The following CCDC3 variants were observed in gnomAD, a reference collection of about 807,000 sequenced individuals.
CCDC3 encodes coiled-coil domain-containing protein 3.
Under a neutral mutation model 21.4 loss-of-function variants are expected in CCDC3, and 24 were observed. The ratio of observed to expected loss-of-function variants is 1.12; its 90% CI spans 0.81 to 1.58. The LOEUF is 1.58. CCDC3 is among the 40% of genes most tolerant of loss of function. CCDC3 has a pLI of 0.00. For missense variants in CCDC3, 425 were observed against 360.9 expected, an observed-to-expected ratio of 1.18 and a Z score of -1.44; for synonymous variants, 186 against 166.0, an observed-to-expected ratio of 1.12 and a Z score of -0.93.
chr10:12,960,102 C>T (rs528416395), intron 2 of CCDC3, among the ~76,000 whole-genome samples: 48 of 151,820 alleles, frequency 3.2e-4, no homozygotes, highest in African/African-American at 9.2e-4. Context: ...TGCAGTGAGC[C>T]GAGATCGTGC....
intron 2 of CCDC3, among the ~76,000 whole-genome samples, chr10:12,927,412 C>T (rs1342610948): frequency 6.6e-6 from 1 of 152,216 alleles, no homozygotes; most frequent in Non-Finnish European, 1.5e-5. Context: ...ATACTCAGTA[C>T]AACTGCCTCA....
At chr10:12,939,382 G>A (rs1415454844) in intron 2 of CCDC3, among the ~76,000 whole-genome samples, 1 of 152,204 alleles carries the variant, frequency 6.6e-6, no homozygotes, top group Non-Finnish European at 1.5e-5. Context: ...TGTAGTCCCG[G>A]CACTTTGGGA....
chr10:13,015,112 T>C (rs1345061769), intron 5 of CCDC3, among the ~76,000 whole-genome samples: 1 of 152,136 alleles, frequency 6.6e-6, no homozygotes, highest in African/African-American at 2.4e-5. Flanking sequence ...GAATGAGCTG[T>C]AGGCCCATGA....
rs529590495 is a variant in CCDC3, at chr10:13,030,355, A to C, written c.-2+19319T>G. ...TCCTGAAGGAAACACTAAACATGGA[A>C]AGGAACAACCGGTACCACCCACTGC... On this transcript the variant is annotated intron_variant, in intron 5 of 6. Coordinates refer to the CCDC3 transcript ENST00000378839. Among the ~76,000 whole-genome samples, 28 of 152,320 alleles carry C rather than the reference A, an allele frequency of 1.8e-4. No homozygotes were observed. In the South Asian group the frequency reaches 5.8e-3, roughly 32 times the overall value.
chr10:12,998,659 T>A (rs1835800391), intron 1 of CCDC3, 147 bp from the exon 2 acceptor site: 1 of 695,640 alleles, frequency 1.4e-6, no homozygotes, highest in African/African-American at 1.8e-5. Context: ...CTACTTCTAA[T>A]TATTTCTTTG....
At chr10:13,000,635 G>A (rs2131287494) in intron 1 of CCDC3, among the ~76,000 whole-genome samples, 1 of 152,310 alleles carries the variant, frequency 6.6e-6, no homozygotes, top group Admixed American at 6.5e-5. Flanking sequence ...TGGCATTTGA[G>A]CAAATGAGGA....
chr10:13,058,598 T>C, intron 4 of CCDC3: 1 of 645,090 alleles, frequency 1.6e-6, no homozygotes, highest in Admixed American at 2.2e-5. Flanking sequence ...TAATCCGTTT[T>C]ACCCTCTCGT....
chr10:12,957,328 C>G (rs1230383086), intron 2 of CCDC3, among the ~76,000 whole-genome samples: 3 of 152,248 alleles, frequency 2.0e-5, no homozygotes, highest in African/African-American at 7.2e-5. Context: ...CGAAGCCTCT[C>G]TCCTGCACTG....
intron 2 of CCDC3, among the ~76,000 whole-genome samples, chr10:12,919,773 C>T (rs1834419753): frequency 6.6e-6 from 1 of 152,170 alleles, no homozygotes; most frequent in Non-Finnish European, 1.5e-5. Flanking sequence ...TGGGCGTTAG[C>T]CCGAGATGGC....
chr10:12,969,947 C>T (rs1835317499), intron 2 of CCDC3, among the ~76,000 whole-genome samples: 1 of 151,992 alleles, frequency 6.6e-6, no homozygotes, highest in African/African-American at 2.4e-5. Context: ...AAATAAAATA[C>T]TTCAAAGGGA....
At chr10:13,005,286 A>T (rs921718226), upstream of CCDC3, among the ~76,000 whole-genome samples, 5 of 152,228 alleles carry the variant, frequency 3.3e-5, no homozygotes, top group Non-Finnish European at 7.3e-5. Flanking sequence ...TATCTTCAAG[A>T]GGCCATAAAC....
intron 2 of CCDC3, among the ~76,000 whole-genome samples, chr10:12,899,088 C>T (rs1164658962): frequency 2.6e-5 from 4 of 152,072 alleles, no homozygotes; most frequent in Admixed American, 1.3e-4. Flanking sequence ...CACTTACATT[C>T]GCGAAGGCTC....
At chr10:12,904,762 G>T (rs1164146820) in intron 2 of CCDC3, among the ~76,000 whole-genome samples, 2 of 152,090 alleles carry the variant, frequency 1.3e-5, no homozygotes, top group African/African-American at 4.8e-5. Context: ...AGCAGTTAAG[G>T]AAGTATATCC....
intron 2 of CCDC3, among the ~76,000 whole-genome samples, chr10:12,982,889 GA>G (rs1356504129): frequency 2.0e-5 from 3 of 148,884 alleles, no homozygotes; most frequent in African/African-American, 7.4e-5. Context: ...GAGGTGGGCA[GA>G]TCACTTGAGA....
chr10:12,915,980 T>TCTGGAGCCTGGGTTCACAGTGGATGGTC (rs1444038066), intron 2 of CCDC3, among the ~76,000 whole-genome samples: 1 of 151,970 alleles, frequency 6.6e-6, no homozygotes, highest in South Asian at 2.1e-4. Context: ...TGGGGGCTAG[T>TCTGGAGCCTGGGTTCACAGTGGATGGTC]CTGGAGCCTG....
At chr10:12,954,645 G>A (rs1350107652) in intron 2 of CCDC3, among the ~76,000 whole-genome samples, 2 of 152,096 alleles carry the variant, frequency 1.3e-5, no homozygotes, top group Non-Finnish European at 2.9e-5. Flanking sequence ...GCTTTCATAG[G>A]AACTTACAGA....
intron 4 of CCDC3, among the ~76,000 whole-genome samples, chr10:13,065,880 TC>T (rs1161372568): frequency 2.6e-5 from 4 of 152,212 alleles, no homozygotes; most frequent in Admixed American, 2.6e-4. Context: ...CAAGTCCACA[TC>T]ACCATGTACA....
intron 3 of CCDC3, among the ~76,000 whole-genome samples, chr10:13,078,208 C>T (rs1214473103): frequency 6.6e-6 from 1 of 152,078 alleles, no homozygotes; most frequent in Admixed American, 6.5e-5. Flanking sequence ...AGGATATGAA[C>T]AGACACTTCT....
intron 2 of CCDC3, among the ~76,000 whole-genome samples, chr10:12,960,800 G>A (rs995265106): frequency 1.3e-5 from 2 of 152,190 alleles, no homozygotes; most frequent in Admixed American, 6.5e-5. Context: ...CACGTGCTGG[G>A]ACTTCTGCCC....
Sources: gnomAD v4.1 joint callset for allele counts (sites outside exome capture counted in the v4.1 genomes callset) on GRCh38, gnomAD v4.1.1 for gene constraint, MANE v1.5 for transcripts, NCBI Gene and HGNC (gene_info 2026-07-23, HGNC 2026-07-21) for gene names.